Variants in SUMF1 observed in about 807,000 individuals in gnomAD.
The protein encoded by SUMF1 is sulfatase modifying factor 1, also known as formylglycine-generating enzyme.
Under a neutral mutation model 47.6 loss-of-function variants are expected in SUMF1, and 48 were observed. The ratio of observed to expected loss-of-function variants is 1.01; its 90% CI spans 0.80 to 1.28. The LOEUF is 1.28. Ranked by LOEUF, SUMF1 falls within the 50% of genes most tolerant of loss-of-function variation. The pLI is 0.00. For synonymous variants in SUMF1, 230 were observed against 192.1 expected, an observed-to-expected ratio of 1.20 and a Z score of -1.63; for missense variants, 571 against 485.4, an observed-to-expected ratio of 1.18 and a Z score of -1.66.
chr3:4,115,659 A>G (rs917587267), intron 8 of SUMF1, among the ~76,000 whole-genome samples: 1 of 151,838 alleles, frequency 6.6e-6, no homozygotes, highest in African/African-American at 2.4e-5. Context: ...TTCCCCATTT[A>G]CCTGGACTAG....
At chr3:4,242,922 T>C (rs112498421) in intron 8 of SUMF1, among the ~76,000 whole-genome samples, 2,439 of 152,328 alleles carry the variant, frequency 0.016, 66 homozygotes, top group African/African-American at 0.056. Flanking sequence ...CTTTGGTTGG[T>C]AGGCTGTTAA....
chr3:4,141,757 T>C (rs1032588305), intron 8 of SUMF1, among the ~76,000 whole-genome samples: 1 of 152,142 alleles, frequency 6.6e-6, no homozygotes, highest in South Asian at 2.1e-4. Context: ...CCTAAAATGT[T>C]TGGGTGAGCA....
chr3:4,386,850 A>C (rs1700690074), intron 7 of SUMF1, among the ~76,000 whole-genome samples: 1 of 151,604 alleles, frequency 6.6e-6, no homozygotes, highest in African/African-American at 2.4e-5. Context: ...TTCTGCACTG[A>C]TATAATCATG....
In SUMF1 at chr3:4,188,936, T is replaced by A. The variant is rs191546806; in HGVS notation, c.1015-120191A>T. Among the ~76,000 whole-genome samples, 143 of 152,330 alleles carry A rather than the reference T, an allele frequency of 9.4e-4. 1 individual carries two copies. Among genetic ancestry groups the A allele is most frequent in the Non-Finnish European group, 1.5e-3 (101 of 68,030 alleles). On this transcript the variant is annotated intron_variant and NMD_transcript_variant, in intron 8 of 12. Coordinates refer to the SUMF1 transcript ENST00000448413. Reference sequence around the variant, plus strand: ...TATGTAATAAATCTTAGTTATTAGCTATTGTTATTAGCTTTAACTGTATAA... The same window carrying A: ...TATGTAATAAATCTTAGTTATTAGCAATTGTTATTAGCTTTAACTGTATAA...
At chr3:4,447,578 A>C (rs1702823613) in intron 3 of SUMF1, among the ~76,000 whole-genome samples, 1 of 146,484 alleles carries the variant, frequency 6.8e-6, no homozygotes, top group South Asian at 2.1e-4. Flanking sequence ...ACTGGGTTAC[A>C]AAAAAAAAAA....
intron 7 of SUMF1, among the ~76,000 whole-genome samples, chr3:4,383,627 A>T (rs967032889): frequency 2.0e-5 from 3 of 152,180 alleles, no homozygotes; most frequent in Non-Finnish European, 4.4e-5. Context: ...CCAGAACAAT[A>T]ATGTCAAAGG....
In SUMF1 at chr3:4,387,392, A is replaced by G. The variant is rs548452361; in HGVS notation, c.955-11003T>C. Among the ~76,000 whole-genome samples, 124 of 152,124 alleles carry G rather than the reference A, an allele frequency of 8.2e-4. No homozygotes were observed. The South Asian group carries it at 8.5e-3, about 10-fold the overall frequency. On this transcript the variant is annotated intron_variant, in intron 7 of 8. Transcript: ENST00000272902. Reference sequence around the variant, plus strand: ...CACATTTATGGGTATACAGATGTTCACAGTATTCCCTCATTATCCTTTTGA... The same window carrying G: ...CACATTTATGGGTATACAGATGTTCGCAGTATTCCCTCATTATCCTTTTGA...
At chr3:4,068,067 T>C (rs1217088269) in intron 9 of SUMF1, among the ~76,000 whole-genome samples, 2 of 152,152 alleles carry the variant, frequency 1.3e-5, no homozygotes, top group Non-Finnish European at 2.9e-5. Context: ...TAGCACCACA[T>C]GGAGGAAGAG....
intron 3 of SUMF1, among the ~76,000 whole-genome samples, chr3:4,442,310 C>T (rs1469172461): frequency 6.7e-6 from 1 of 148,888 alleles, no homozygotes; most frequent in African/African-American, 2.5e-5. Context: ...GGCTGGAGTG[C>T]GGTGGCGCGA....
At chr3:4,103,603 G>C (rs1693088415) in intron 8 of SUMF1, among the ~76,000 whole-genome samples, 1 of 152,112 alleles carries the variant, frequency 6.6e-6, no homozygotes, top group East Asian at 1.9e-4. Context: ...GAATAGCACA[G>C]TAATTGCAGC....
intron 8 of SUMF1, among the ~76,000 whole-genome samples, chr3:4,165,728 G>C (rs1694684573): frequency 6.6e-6 from 1 of 151,986 alleles, no homozygotes; most frequent in South Asian, 2.1e-4. Context: ...AGAAAAAAAT[G>C]AGCCACTTCT....
chr3:4,330,991 G>T (rs1169388246), intron 8 of SUMF1, among the ~76,000 whole-genome samples: 1 of 151,994 alleles, frequency 6.6e-6, no homozygotes, highest in Non-Finnish European at 1.5e-5. Flanking sequence ...ATATCAATGT[G>T]CTTTTGATAT....
At chr3:4,428,464 C>T (rs889340782) in intron 3 of SUMF1, among the ~76,000 whole-genome samples, 2 of 152,074 alleles carry the variant, frequency 1.3e-5, no homozygotes, top group African/African-American at 4.8e-5. Flanking sequence ...AGCAATCCTC[C>T]CACCTCAGCC....
chr3:4,175,268 ACACCTCC>A (rs1448736869), intron 8 of SUMF1, among the ~76,000 whole-genome samples: 1 of 152,038 alleles, frequency 6.6e-6, no homozygotes, highest in African/African-American at 2.4e-5. Flanking sequence ...TAACTGGGAG[ACACCTCC>A]CAGTTGGGGT....
chr3:4,241,282 C>T (rs1023791668), intron 8 of SUMF1, among the ~76,000 whole-genome samples: 5 of 152,104 alleles, frequency 3.3e-5, no homozygotes, highest in Admixed American at 2.6e-4. Context: ...CTATCTGATG[C>T]TTCTCATGTA....
intron 7 of SUMF1, among the ~76,000 whole-genome samples, chr3:4,380,941 G>A (rs1302427550): frequency 6.6e-6 from 1 of 152,164 alleles, no homozygotes; most frequent in Admixed American, 6.5e-5. Context: ...CACTGGAGAT[G>A]CCACAGAACC....
At chr3:4,457,451 A>G (rs2079694003) in intron 1 of SUMF1, among the ~76,000 whole-genome samples, 1 of 152,200 alleles carries the variant, frequency 6.6e-6, no homozygotes, top group Admixed American at 6.5e-5. Context: ...AGCAATTTTG[A>G]GCAAAAAGAA....
At chr3:4,079,514 G>T (rs922350740) in intron 8 of SUMF1, among the ~76,000 whole-genome samples, 1 of 151,912 alleles carries the variant, frequency 6.6e-6, no homozygotes, top group East Asian at 1.9e-4. Flanking sequence ...GGGCTCTGGG[G>T]TTAGATTTCC....
intron 8 of SUMF1, among the ~76,000 whole-genome samples, chr3:4,137,580 C>T (rs1311037339): frequency 2.0e-5 from 3 of 152,086 alleles, no homozygotes; most frequent in African/African-American, 4.8e-5. Flanking sequence ...AGGTAACAAA[C>T]CTGCACGTTG....
Sources: gnomAD v4.1 joint callset for allele counts (sites outside exome capture counted in the v4.1 genomes callset) on GRCh38, gnomAD v4.1.1 for gene constraint, MANE v1.5 for transcripts, NCBI Gene and HGNC (gene_info 2026-07-23, HGNC 2026-07-21) for gene names.